The following ANKRD42 variants were observed in gnomAD, a reference collection of about 807,000 sequenced individuals.
The protein encoded by ANKRD42 is ankyrin repeat domain 42.
A neutral mutation model predicts 51.5 loss-of-function variants in ANKRD42; 43 were observed. The observed-to-expected ratio is 0.83, with a 90% CI of 0.65 to 1.08. The LOEUF (loss-of-function observed/expected upper bound fraction) is 1.08. ANKRD42 is among the 50% of genes least tolerant of loss of function. The pLI is 0.00. For synonymous variants in ANKRD42, 203 were observed against 213.0 expected, an observed-to-expected ratio of 0.95 and a Z score of 0.41; for missense variants, 608 against 629.3, an observed-to-expected ratio of 0.97 and a Z score of 0.36.
downstream of ANKRD42, chr11:83,261,663 G>A (rs1863932340): frequency 3.4e-6 from 1 of 298,222 alleles, no homozygotes; most frequent in African/African-American, 2.2e-5. Flanking sequence ...AGGACAAAAT[G>A]CTCTTCTATC....
chr11:83,210,463 A>T (rs984146350), intron 4 of ANKRD42, 44 bp downstream of exon 4: 3 of 1,601,170 alleles, frequency 1.9e-6, no homozygotes, highest in Admixed American at 1.7e-5. Context: ...GATAATATAG[A>T]TGGAATAGCA....
chr11:83,213,227 T>G (rs887680366), intron 5 of ANKRD42: 2 of 1,598,770 alleles, frequency 1.3e-6, no homozygotes, highest in African/African-American at 1.3e-5. Flanking sequence ...TACTGACTTC[T>G]GGAAGTTCCT....
chr11:83,247,877 C>G (rs1293683739), intron 10 of ANKRD42, 66 bp from the exon 11 acceptor site: 1 of 1,310,612 alleles, frequency 7.6e-7, no homozygotes, highest in Non-Finnish European at 1.1e-6. Flanking sequence ...TGAATGCTTT[C>G]CACTACTAAA....
chr11:83,214,479 T>G (rs1862452483), intron 5 of ANKRD42: 1 of 979,162 alleles, frequency 1.0e-6, no homozygotes, highest in African/African-American at 1.8e-5. Flanking sequence ...TAAACATGTA[T>G]GATTATTTTA....
At chr11:83,258,793 T>C (rs1182598349), downstream of ANKRD42, among the ~76,000 whole-genome samples, 1 of 137,990 alleles carries the variant, frequency 7.2e-6, no homozygotes, top group African/African-American at 2.5e-5. Flanking sequence ...TTCTTCAAGT[T>C]TGACAACATT....
intron 11 of ANKRD42, among the ~76,000 whole-genome samples, chr11:83,255,079 T>G (rs1288449933): frequency 6.6e-5 from 10 of 152,224 alleles, no homozygotes; most frequent in African/African-American, 1.9e-4. Flanking sequence ...CAGGAACACC[T>G]TGGAGAACTA....
intron 5 of ANKRD42, chr11:83,212,925 T>A: frequency 6.7e-7 from 1 of 1,484,138 alleles, no homozygotes; most frequent in Non-Finnish European, 8.9e-7. Flanking sequence ...AAAGTAAAAT[T>A]TAAATTGAAG....
chr11:83,211,797 C>A (rs978412950), intron 5 of ANKRD42, among the ~76,000 whole-genome samples: 2 of 152,100 alleles, frequency 1.3e-5, no homozygotes, highest in African/African-American at 4.8e-5. Flanking sequence ...CAAAGTGAGA[C>A]CCCGTCTCTT....
rs1862262588 is a variant in ANKRD42 at position 83,210,336 on chromosome 11, G to T, written c.367G>T (p.Asp123Tyr). 2 of 1,613,936 alleles carry T rather than the reference G, an allele frequency of 1.2e-6. No homozygotes were observed. Among genetic ancestry groups the T allele is most frequent in the Non-Finnish European group, 1.7e-6 (2 of 1,179,852 alleles). Residue 123 changes from aspartate to tyrosine, a missense_variant, in exon 4 of 11, where the codon GAT becomes TAT. Transcript: ENST00000533342. ...GAATGGAGCAAATCTGACAGCCCAG[G>T]ATGACCGGGGATGCACTCCTTTACA... ...IMNGANLTAQ[D>Y]DRGCTPLHLA...
intron 5 of ANKRD42, among the ~76,000 whole-genome samples, chr11:83,220,543 C>T (rs1012935057): frequency 1.3e-5 from 2 of 152,120 alleles, no homozygotes; most frequent in African/African-American, 4.8e-5. Context: ...ATAGAAAAAG[C>T]TATAGGCTTT....
chr11:83,209,448 T>A, intron 3 of ANKRD42: 1 of 1,557,636 alleles, frequency 6.4e-7, no homozygotes, highest in South Asian at 1.1e-5. Context: ...GACGAGGAGT[T>A]TGAGTATCGA....
At chr11:83,219,737 A>C (rs1862658132) in intron 5 of ANKRD42, among the ~76,000 whole-genome samples, 1 of 152,214 alleles carries the variant, frequency 6.6e-6, no homozygotes, top group African/African-American at 2.4e-5. Flanking sequence ...AAGGAAGGGG[A>C]AAGTTTATCT....
chr11:83,215,471 A>C (rs1039364404), intron 5 of ANKRD42, among the ~76,000 whole-genome samples: 1 of 152,160 alleles, frequency 6.6e-6, no homozygotes, highest in African/African-American at 2.4e-5. Context: ...GTGAAGACTT[A>C]CAGCTGCCAT....
At chr11:83,225,089 TGTG>T (rs1433212630) in intron 6 of ANKRD42, 34 bp downstream of exon 6, 4 of 1,528,490 alleles carry the variant, frequency 2.6e-6, no homozygotes, top group Admixed American at 1.8e-5. Flanking sequence ...TAGCATATAA[TGTG>T]ATGATGATGA....
At chr11:83,251,185 C>A (rs1863668723), downstream of ANKRD42, among the ~76,000 whole-genome samples, 1 of 152,134 alleles carries the variant, frequency 6.6e-6, no homozygotes, top group Non-Finnish European at 1.5e-5. Context: ...ACCTTGAAAA[C>A]TGCCTGTTGA....
chr11:83,257,859 C>T (rs1863800714), downstream of ANKRD42, among the ~76,000 whole-genome samples: 2 of 152,180 alleles, frequency 1.3e-5, no homozygotes, highest in South Asian at 4.1e-4. Context: ...CCTGGTTGTC[C>T]TCCAAAATCC....
At chr11:83,223,347 G>A (rs1862773882) in intron 5 of ANKRD42, among the ~76,000 whole-genome samples, 1 of 152,216 alleles carries the variant, frequency 6.6e-6, no homozygotes, top group Admixed American at 6.5e-5. Context: ...AGAGTAATTG[G>A]GAACCTGATG....
In ANKRD42 at chr11:83,210,335, G is replaced by C; in HGVS notation, c.366G>C (p.Gln122His). Residue 122 changes from glutamine (Q) to histidine (H), a missense_variant, in exon 4 of 11, where the codon CAG (glutamine) becomes CAC (histidine). Transcript: ENST00000533342. ...LIMNGANLTAQDDRGCTPLHL... is the reference protein window; with the variant it reads ...LIMNGANLTAHDDRGCTPLHL... ...TGAATGGAGCAAATCTGACAGCCCA[G>C]GATGACCGGGGATGCACTCCTTTAC... The C allele has an allele frequency of 1.2e-6, 2 of 1,613,874 alleles. No individual in the cohort carries two copies. Among genetic ancestry groups the C allele is most frequent in the Non-Finnish European group, 1.7e-6 (2 of 1,179,832 alleles).
chr11:83,198,508 A>T lies in ANKRD42; in HGVS notation c.88A>T (p.Ile30Leu). ...CAGGAAGAAGGTGCATTTTGGCAGC[A>T]TACATGATGCAGTACGAGCTGGAGA... ...CSRKKVHFGS[I>L]HDAVRAGDVK... is the part of the protein sequence containing the mutation. Residue 30 changes from isoleucine to leucine, a missense_variant, in exon 2 of 11, where the codon ATA (isoleucine) becomes TTA (leucine). By Grantham distance (5) the Ile-to-Leu change is conservative. Transcript: ENST00000533342. The T allele has an allele frequency of 6.2e-7, 1 of 1,613,750 alleles. No homozygotes were observed. The highest frequency in any genetic ancestry group is 8.5e-7 in the Non-Finnish European group (1 of 1,179,726).
Sources: allele counts gnomAD v4.1 joint callset (sites outside exome capture counted in the v4.1 genomes callset), GRCh38; gene constraint gnomAD v4.1.1; transcripts MANE v1.5; gene names NCBI Gene and HGNC (gene_info 2026-07-23, HGNC 2026-07-21).